The following PRKN variants were observed in gnomAD, a reference collection of about 807,000 sequenced individuals.
PRKN encodes the protein parkin RBR E3 ubiquitin protein ligase.
Under a neutral mutation model 59.5 loss-of-function variants are expected in PRKN, and 56 were observed. That is an observed-to-expected ratio of 0.94 (90% CI 0.76 to 1.18). PRKN has a LOEUF of 1.18. Ranked by LOEUF, PRKN falls within the 50% of genes most tolerant of loss-of-function variation. PRKN has a pLI of 0.00. For synonymous variants in PRKN, 250 were observed against 222.1 expected, an observed-to-expected ratio of 1.13 and a Z score of -1.12; for missense variants, 657 against 596.4, an observed-to-expected ratio of 1.10 and a Z score of -1.06.
At chr6:162,449,847 T>G (rs2128170294) in intron 1 of PRKN, among the ~76,000 whole-genome samples, 1 of 152,270 alleles carries the variant, frequency 6.6e-6, no homozygotes, top group Admixed American at 6.5e-5. Flanking sequence ...GAAAGCAGAT[T>G]CTTGAAAAGC....
chr6:162,311,888 T>C (rs1237119235), intron 2 of PRKN, among the ~76,000 whole-genome samples: 1 of 152,060 alleles, frequency 6.6e-6, no homozygotes, highest in Non-Finnish European at 1.5e-5. Flanking sequence ...CTTTCTGTCT[T>C]GAATAAATCT....
rs530456417 is a variant in PRKN at position 161,352,841 on chromosome 6, G to A, written c.1286-2630C>T. ...TGTCGCCCAGGCTGGAGTACAGGGC[G>A]CGATCTGGGCTCACTGCCACCTCTG... On this transcript the variant is annotated intron_variant, in intron 11 of 11. Coordinates refer to ENST00000366898, the MANE Select transcript of PRKN (RefSeq NM_004562.3). This position sits in a 1 kb window ranked among gnomAD's most constrained non-coding sequence, Gnocchi z 5.8. 9.9e-5 allele frequency among the ~76,000 whole-genome samples: 15 copies of A among 151,392 alleles called. No homozygotes were observed. Among genetic ancestry groups the A allele is most frequent in the Non-Finnish European group, 1.9e-4 (13 of 67,884 alleles).
intron 1 of PRKN, among the ~76,000 whole-genome samples, chr6:162,574,302 T>G (rs902332235): frequency 2.0e-5 from 3 of 152,194 alleles, no homozygotes; most frequent in Non-Finnish European, 2.9e-5. Context: ...TGGAGTCTAT[T>G]TTAAGGCTAA....
chr6:161,522,176 T>A (rs1292576200), intron 9 of PRKN, among the ~76,000 whole-genome samples: 1 of 152,130 alleles, frequency 6.6e-6, no homozygotes, highest in East Asian at 1.9e-4. Context: ...CCCCAGCACG[T>A]TAAAAAAATC....
At chr6:161,647,876 G>A (rs1784013916) in intron 7 of PRKN, among the ~76,000 whole-genome samples, 1 of 152,154 alleles carries the variant, frequency 6.6e-6, no homozygotes, top group South Asian at 2.1e-4. Flanking sequence ...CATGCAAAGA[G>A]CCCAGTTAAA....
At chr6:162,679,120 G>A (rs1037848614) in intron 1 of PRKN, among the ~76,000 whole-genome samples, 3 of 131,380 alleles carry the variant, frequency 2.3e-5, no homozygotes, top group Non-Finnish European at 3.4e-5. Context: ...ATGAATGAAT[G>A]AGACAGTTTC....
At chr6:161,907,932 G>T (rs1778209236) in intron 6 of PRKN, among the ~76,000 whole-genome samples, 1 of 152,014 alleles carries the variant, frequency 6.6e-6, no homozygotes, top group Non-Finnish European at 1.5e-5. Flanking sequence ...ACAAAAATTA[G>T]CCGGGTGTGG....
At chr6:162,014,875 T>C (rs1432522593) in intron 5 of PRKN, among the ~76,000 whole-genome samples, 2 of 152,076 alleles carry the variant, frequency 1.3e-5, no homozygotes, top group Non-Finnish European at 2.9e-5. Flanking sequence ...GTCTTTCTCA[T>C]GCCTTTTTCC....
chr6:161,896,832 A>T (rs1777646056), intron 6 of PRKN, among the ~76,000 whole-genome samples: 2 of 152,056 alleles, frequency 1.3e-5, no homozygotes, highest in Non-Finnish European at 2.9e-5. Flanking sequence ...AAAAAATTCC[A>T]CTGGATCTAT....
chr6:161,778,762 CAA>C (rs1790064528), intron 7 of PRKN, among the ~76,000 whole-genome samples: 1 of 152,090 alleles, frequency 6.6e-6, no homozygotes, highest in Non-Finnish European at 1.5e-5. Context: ...GCAACGTGCC[CAA>C]AGTGCCCATC....
At chr6:161,700,583 T>G (rs930904926) in intron 7 of PRKN, among the ~76,000 whole-genome samples, 1 of 152,068 alleles carries the variant, frequency 6.6e-6, no homozygotes, top group Admixed American at 6.6e-5. Flanking sequence ...TGGAGTAAAT[T>G]TAAGGATATG....
At chr6:162,007,473 G>A (rs1428188826) in intron 5 of PRKN, among the ~76,000 whole-genome samples, 1 of 152,176 alleles carries the variant, frequency 6.6e-6, no homozygotes, top group Non-Finnish European at 1.5e-5. Flanking sequence ...GATAGGGGAA[G>A]TTTTGTGAAT....
intron 9 of PRKN, among the ~76,000 whole-genome samples, chr6:161,452,172 T>C (rs1040243794): frequency 3.7e-4 from 55 of 149,684 alleles, no homozygotes; most frequent in African/African-American, 1.3e-3. Context: ...TAGGCTGGTG[T>C]CGAAGTCCTG....
At position 162,262,651 on chromosome 6, in the gene PRKN, C is replaced by T. The variant is rs377591051; in HGVS notation, c.286G>A (p.Glu96Lys). The change falls in exon 3 of 12, where the codon GAG becomes AAG. Residue 96 changes from glutamate to lysine, a missense_variant. Glu to Lys is a moderately conservative substitution (Grantham distance 56). Transcript: ENST00000366898. Reference protein sequence around the residue: ...DDPRNAAGGCEREPQSLTRVD... With the variant: ...DDPRNAAGGCKREPQSLTRVD... ...CGAGTCAAGCTCTGGGGCTCCCGCT[C>T]ACAGCCTCCCGCCGCGTTTCTGGGG... 3.7e-6 allele frequency: 6 copies of T among 1,613,684 alleles called. No homozygotes were observed. Among genetic ancestry groups the T allele is most frequent in the Non-Finnish European group, 5.1e-6 (6 of 1,180,004 alleles).
At chr6:162,216,637 T>C (rs1777684035) in intron 3 of PRKN, among the ~76,000 whole-genome samples, 1 of 149,382 alleles carries the variant, frequency 6.7e-6, no homozygotes, top group South Asian at 2.1e-4. Flanking sequence ...GCGGCAGGAA[T>C]GTGATCTAGT....
intron 1 of PRKN, among the ~76,000 whole-genome samples, chr6:162,645,178 CAGCCT>C (rs1376495439): frequency 1.3e-5 from 2 of 152,078 alleles, no homozygotes. Flanking sequence ...TGAATACTGA[CAGCCT>C]AATTTTATGA....
At chr6:162,609,472 A>C (rs1338130187) in intron 1 of PRKN, among the ~76,000 whole-genome samples, 1 of 152,228 alleles carries the variant, frequency 6.6e-6, no homozygotes. Flanking sequence ...AGTTTATTTT[A>C]CTTACGATGC....
chr6:161,770,161 C>T (rs906268169), intron 7 of PRKN, among the ~76,000 whole-genome samples: 20 of 152,082 alleles, frequency 1.3e-4, no homozygotes, highest in Admixed American at 9.2e-4. Context: ...AGGGACACTG[C>T]GTTGAAGCTC....
rs1777839236 is a variant in PRKN at position 161,498,560 on chromosome 6, A to G, written c.1083+50294T>C. 6.6e-6 allele frequency among the ~76,000 whole-genome samples: 1 copy of G among 152,144 alleles called. No individual in the cohort carries two copies. Among genetic ancestry groups the G allele is most frequent in the Admixed American group, 6.5e-5 (1 of 15,282 alleles). ...TTTGGCCAATGAAATGTGGGTGGCA[A>G]TGACATGTGTAACTTGAGGCCAGAG... On this transcript the variant is annotated intron_variant, in intron 9 of 11. Transcript: ENST00000366898. This position sits in a 1 kb window ranked among gnomAD's most constrained non-coding sequence, Gnocchi z 4.2.
Sources: gnomAD v4.1 joint callset for allele counts (sites outside exome capture counted in the v4.1 genomes callset) on GRCh38, gnomAD v4.1.1 for gene constraint, Gnocchi (gnomAD v3.1) non-coding constraint, MANE v1.5 for transcripts, NCBI Gene and HGNC (gene_info 2026-07-23, HGNC 2026-07-21) for gene names.